DCTD: variants seen among roughly 807,000 people sequenced by gnomAD.
DCTD encodes the protein dCMP deaminase.
DCTD carries 23 observed loss-of-function variants against 21.0 expected under a neutral mutation model. The ratio of observed to expected loss-of-function variants is 1.09; its 90% CI spans 0.79 to 1.55. DCTD has a LOEUF of 1.55. Among genes scored for constraint, DCTD ranks in the 40% most tolerant of loss-of-function variants. The pLI, the probability that DCTD is intolerant of heterozygous loss-of-function variation, is 0.00. For synonymous variants in DCTD, 71 were observed against 81.1 expected (o/e 0.88, Z 0.67); for missense variants, 224 against 230.0 (o/e 0.97, Z 0.17).
At position 182,902,679 on chromosome 4, in the gene DCTD, G is replaced by T. The variant is rs1451423819; in HGVS notation, c.245-8074C>A. ...TTCGCAGTTTCCCAGGTATGTTCTG[G>T]TAAGTTCTGGTTGCAAACTGGCCTG... On this transcript the variant is annotated intron_variant, in intron 3 of 5. Coordinates refer to ENST00000438320, the MANE Select transcript of DCTD (RefSeq NM_001921.3). Among the ~76,000 whole-genome samples, 30 of 152,332 alleles carry T rather than the reference G, an allele frequency of 2.0e-4. 2 individuals carry two copies. Among genetic ancestry groups the T allele is most frequent in the Non-Finnish European group, 1.5e-5 (1 of 68,026 alleles).
intron 5 of DCTD, 135 bp from the exon 6 acceptor site, chr4:182,891,612 C>A: frequency 1.6e-6 from 1 of 642,448 alleles, no homozygotes; most frequent in Non-Finnish European, 2.8e-6. Context: ...TCTATAGGAG[C>A]CAATTATAGT....
At position 182,915,573 on chromosome 4, in the gene DCTD, G is replaced by C; in HGVS notation, c.-5C>G. ...CTTGCAGGAAACTTCACTCATGTTGGGTCTAGAAGAAAAACATGACAAAAC... is the reference window on the plus strand; with the variant it reads ...CTTGCAGGAAACTTCACTCATGTTGCGTCTAGAAGAAAAACATGACAAAAC... On this transcript the variant is annotated splice_region_variant and 5_prime_UTR_variant, in exon 2 of 6. Coordinates refer to ENST00000438320, the MANE Select transcript of DCTD (RefSeq NM_001921.3). The C allele has an allele frequency of 6.3e-7, 1 of 1,591,770 alleles. No individual in the cohort carries two copies. Among genetic ancestry groups the C allele is most frequent in the Non-Finnish European group, 8.6e-7 (1 of 1,159,804 alleles).
intron 3 of DCTD, among the ~76,000 whole-genome samples, chr4:182,905,407 C>A (rs2152860286): frequency 6.7e-6 from 1 of 150,212 alleles, no homozygotes; most frequent in African/African-American, 2.5e-5. Context: ...CGGCTCACTG[C>A]AACCTCCGCC....
chr4:182,891,209 TA>T lies in DCTD; in HGVS notation c.*189del, dbSNP rs1733683357. ...TCCCCTATTTTAAACCCTAAAGCAA[TA>T]GTTCAAACACATGTAGATTCCATGT... On this transcript the variant is annotated 3_prime_UTR_variant, in exon 6 of 6. Transcript: ENST00000438320. 5.4e-6 allele frequency: 3 copies of T among 551,152 alleles called. No individual in the cohort carries two copies. In the South Asian group the frequency reaches 8.1e-5, roughly 15 times the overall value. 34.1% of individuals were successfully genotyped at this position (551,152 alleles called of 1,614,324 possible). A position where few individuals can be genotyped will look rare whatever the true frequency, so the allele number is the denominator to read the frequency against.
chr4:182,902,744 C>T (rs1047530475), intron 3 of DCTD, among the ~76,000 whole-genome samples: 1 of 152,210 alleles, frequency 6.6e-6, no homozygotes, highest in Middle Eastern at 3.4e-3. Context: ...GTGTGGGCTG[C>T]GGGATGGAGG....
At chr4:182,916,333 G>T in intron 1 of DCTD, 3 of 970,144 alleles carry the variant, frequency 3.1e-6, no homozygotes, top group Non-Finnish European at 3.7e-6. Flanking sequence ...CACGAAGGGG[G>T]TCCTAGGACT....
At chr4:182,917,419 A>T, upstream of DCTD, 1 of 977,290 alleles carries the variant, frequency 1.0e-6, no homozygotes, top group Non-Finnish European at 1.2e-6. This position sits in a 1 kb window ranked among gnomAD's most constrained non-coding sequence, Gnocchi z 4.9. Context: ...GGAAGGGGGC[A>T]GCGGCCCGGG....
intron 3 of DCTD, among the ~76,000 whole-genome samples, chr4:182,906,925 C>T (rs1344188072): frequency 6.6e-6 from 1 of 152,246 alleles, no homozygotes; most frequent in East Asian, 1.9e-4. Flanking sequence ...TTGCAACTCT[C>T]TTGCCTTCAC....
chr4:182,900,158 T>TA (rs751884300), intron 3 of DCTD, among the ~76,000 whole-genome samples: 1 of 151,846 alleles, frequency 6.6e-6, no homozygotes, highest in South Asian at 2.1e-4. Flanking sequence ...CTACTGAAAA[T>TA]AAAAAAACTT....
intron 1 of DCTD, chr4:182,916,581 G>C: frequency 2.0e-6 from 2 of 991,444 alleles, no homozygotes; most frequent in Non-Finnish European, 2.4e-6. Context: ...TGGGAACCAC[G>C]GTCACCCACT....
chr4:182,893,667 T>C (rs1056907108), intron 4 of DCTD, among the ~76,000 whole-genome samples: 1 of 152,250 alleles, frequency 6.6e-6, no homozygotes, highest in African/African-American at 2.4e-5. Context: ...CATCAGCCTC[T>C]GAAGGCAGAG....
At chr4:182,891,881 T>C (rs185445837) in intron 5 of DCTD, among the ~76,000 whole-genome samples, 1 of 151,858 alleles carries the variant, frequency 6.6e-6, no homozygotes, top group Non-Finnish European at 1.5e-5. Context: ...TTGCCGCTTA[T>C]ATATAGCAAA....
At chr4:182,898,034 AGGAAACTAG>A (rs1385399388) in intron 3 of DCTD, among the ~76,000 whole-genome samples, 2 of 152,322 alleles carry the variant, frequency 1.3e-5, no homozygotes, top group African/African-American at 4.8e-5. Context: ...GTCCTCAGAG[AGGAAACTAG>A]GGAAACTAAC....
intron 3 of DCTD, among the ~76,000 whole-genome samples, chr4:182,907,463 C>A (rs1736932452): frequency 6.6e-6 from 1 of 152,122 alleles, no homozygotes; most frequent in Non-Finnish European, 1.5e-5. Context: ...TTGCTGTTAT[C>A]CAACCTTTTC....
At chr4:182,903,206 T>G (rs1736060648) in intron 3 of DCTD, among the ~76,000 whole-genome samples, 1 of 152,108 alleles carries the variant, frequency 6.6e-6, no homozygotes, top group Non-Finnish European at 1.5e-5. Context: ...AGGACCTGTT[T>G]CCTAAGAAAG....
chr4:182,893,613 G>A (rs139439917), intron 4 of DCTD, among the ~76,000 whole-genome samples: 147 of 152,320 alleles, frequency 9.7e-4, no homozygotes, highest in Non-Finnish European at 1.5e-3. Context: ...GCGCTAACTC[G>A]GCAGCCAGGA....
chr4:182,904,065 C>T lies in DCTD; in HGVS notation c.245-9460G>A, dbSNP rs547928741. 1.4e-3 allele frequency among the ~76,000 whole-genome samples: 211 copies of T among 152,070 alleles called. 1 individual carries two copies. The highest frequency in any genetic ancestry group is 8.7e-3 in the South Asian group (42 of 4,806). On this transcript the variant is annotated intron_variant, in intron 3 of 5. Coordinates refer to ENST00000438320, the MANE Select transcript of DCTD (RefSeq NM_001921.3). ...CTGTGAGAATACCCATTTCTTTTTC[C>T]CTCTCTCCCACTCTGCTCCCCATCC...
intron 3 of DCTD, among the ~76,000 whole-genome samples, chr4:182,896,582 C>T (rs545097377): frequency 4.9e-4 from 74 of 152,128 alleles, no homozygotes; most frequent in African/African-American, 1.6e-3. Flanking sequence ...CATGGGAGGA[C>T]AAGGAAAGAC....
intron 3 of DCTD, among the ~76,000 whole-genome samples, chr4:182,912,144 G>GCA (rs1554053086): frequency 2.5e-5 from 3 of 117,814 alleles, no homozygotes; most frequent in African/African-American, 3.2e-5. Context: ...ATCTTAAAAC[G>GCA]AAAGCAAAAA....
Sources: gnomAD v4.1 joint callset for allele counts (sites outside exome capture counted in the v4.1 genomes callset) on GRCh38, gnomAD v4.1.1 for gene constraint, Gnocchi (gnomAD v3.1) non-coding constraint, MANE v1.5 for transcripts, NCBI Gene and HGNC (gene_info 2026-07-23, HGNC 2026-07-21) for gene names.